Variants in ANKRD11 observed in about 807,000 individuals in gnomAD.
The protein encoded by ANKRD11 is ankyrin repeat domain 11, also known as ankyrin repeat domain-containing protein 11.
ANKRD11 carries 17 observed loss-of-function variants against 195.7 expected under a neutral mutation model. That is an observed-to-expected ratio of 0.09 (90% CI 0.06 to 0.13). The LOEUF (loss-of-function observed/expected upper bound fraction) is 0.13. ANKRD11 is among the 10% of genes least tolerant of loss of function. The pLI is 1.00. For synonymous variants in ANKRD11, 1,953 were observed against 1,528.1 expected (o/e 1.28, Z -6.49); for missense variants, 3,735 against 3,566.1 (o/e 1.05, Z -1.21).
intron 2 of ANKRD11, among the ~76,000 whole-genome samples, chr16:89,388,073 C>CA (rs1198406470): frequency 6.6e-6 from 1 of 151,608 alleles, no homozygotes; most frequent in Non-Finnish European, 1.5e-5. Context: ...TTCAGACTTA[C>CA]AAAAAAGTTG....
chr16:89,484,745 GGAAAGTCTTCT>G (rs746487842), intron 1 of ANKRD11, among the ~76,000 whole-genome samples: 8 of 152,038 alleles, frequency 5.3e-5, no homozygotes, highest in Non-Finnish European at 1.2e-4. Flanking sequence ...GTAATGAAGG[GGAAAGTCTTCT>G]GAATTTTACC....
chr16:89,444,065 A>C (rs570313552), intron 1 of ANKRD11, among the ~76,000 whole-genome samples: 1 of 152,360 alleles, frequency 6.6e-6, no homozygotes, highest in South Asian at 2.1e-4. Context: ...AAGGTTAATG[A>C]AAAGTTCAAA....
intron 1 of ANKRD11, among the ~76,000 whole-genome samples, chr16:89,461,074 T>C (rs531626762): frequency 7.5e-6 from 1 of 132,980 alleles, no homozygotes; most frequent in Admixed American, 8.3e-5. Flanking sequence ...CCTTGAGTGG[T>C]GACATTCATA....
intron 4 of ANKRD11, chr16:89,298,719 G>GAAGGGA (rs1168288164): frequency 1.3e-5 from 2 of 152,234 alleles, no homozygotes; most frequent in Non-Finnish European, 2.9e-5. Context: ...TGTCAGGGAA[G>GAAGGGA]CCTTTGCTGC....
intron 3 of ANKRD11, among the ~76,000 whole-genome samples, chr16:89,315,914 C>T (rs2036927660): frequency 6.6e-6 from 1 of 152,176 alleles, no homozygotes; most frequent in African/African-American, 2.4e-5. Context: ...CACAGCAGCA[C>T]AGGAAGCAGC....
In ANKRD11 at chr16:89,279,995, C is replaced by A; in HGVS notation, c.6547G>T (p.Val2183Leu). Reference protein sequence around the residue: ...VINGGDVSTVVAEEPPALPPD... With the variant: ...VINGGDVSTVLAEEPPALPPD... ...GGCAGTGCCGGCGGCTCCTCAGCCA[C>A]TACGGTGGAAACATCCCCACCGTTT... Residue 2183 changes from valine (V) to leucine (L), a missense_variant, in exon 9 of 13, where the codon GTG (valine) becomes TTG (leucine). By Grantham distance (32) the Val-to-Leu change is conservative (BLOSUM62 1). Transcript: ENST00000301030. The surrounding 1 kb of genome is among the most constrained non-coding windows in gnomAD (Gnocchi z 5.6). 6.2e-7 allele frequency: 1 copy of A among 1,612,102 alleles called. No homozygotes were observed. The highest frequency in any genetic ancestry group is 8.5e-7 in the Non-Finnish European group (1 of 1,179,928).
chr16:89,382,468 G>C (rs891292475), intron 2 of ANKRD11, among the ~76,000 whole-genome samples: 2 of 151,980 alleles, frequency 1.3e-5, no homozygotes, highest in African/African-American at 4.8e-5. Flanking sequence ...TGGGATCACA[G>C]GTGCGTGCCA....
rs759702780 is a variant in ANKRD11, at chr16:89,284,486, C to G, written c.2056G>C (p.Val686Leu). 9.9e-6 allele frequency: 16 copies of G among 1,613,966 alleles called. No individual in the cohort carries two copies. The African/African-American group carries it at 1.9e-4, about 19-fold the overall frequency. The change falls in exon 9 of 13, where the codon GTG (valine) becomes CTG (leucine). Residue 686 changes from valine (V) to leucine (L), a missense_variant. By Grantham distance (32) the Val-to-Leu change is conservative. Coordinates refer to ENST00000301030, the MANE Select transcript of ANKRD11 (RefSeq NM_013275.6). ...AAGTGGTCGCGATCGTGCTTTAACA[C>G]TTTTAGCTTGTTTTCAGTGGAAAGA... The part of the protein sequence containing the change: ...NDLSTENKLK[V>L]LKHDRDHFKK...
chr16:89,362,684 C>A (rs1308118311), intron 2 of ANKRD11, among the ~76,000 whole-genome samples: 2 of 152,194 alleles, frequency 1.3e-5, no homozygotes, highest in Non-Finnish European at 2.9e-5. Flanking sequence ...ATAAAGAAAT[C>A]AATGTACTTT....
At chr16:89,287,992 C>A (rs1174200600) in intron 7 of ANKRD11, 4 of 477,410 alleles carry the variant, frequency 8.4e-6, no homozygotes, top group African/African-American at 1.9e-5. Context: ...TGCTTTCCGG[C>A]AGGACGGGGC....
At chr16:89,339,423 A>G (rs973665579) in intron 2 of ANKRD11, among the ~76,000 whole-genome samples, 5 of 152,210 alleles carry the variant, frequency 3.3e-5, no homozygotes, top group African/African-American at 1.2e-4. Flanking sequence ...GTAGCATCAC[A>G]CAGGTCAGAT....
chr16:89,276,259 C>T (rs1038389220), intron 9 of ANKRD11, among the ~76,000 whole-genome samples: 4 of 152,240 alleles, frequency 2.6e-5, no homozygotes, highest in African/African-American at 9.7e-5. Flanking sequence ...GACAGCACAG[C>T]TCCAGTTAGC....
In ANKRD11 at chr16:89,286,100, G is replaced by T. The variant is rs2034626134; in HGVS notation, c.831C>A (p.Pro277=). 6.2e-7 allele frequency: 1 copy of T among 1,614,126 alleles called. No individual in the cohort carries two copies. The highest frequency in any genetic ancestry group is 2.2e-5 in the East Asian group (1 of 44,894). ...TGCCTAACAGGAGGTTCACCATCGT[G>T]GGGGAGTTGGCCACTTTCAGCGGCG... ...GETPLKVANS[P]TMVNLLLGKG... The change falls in exon 8 of 13, where the codon CCC becomes CCA. Residue 277 remains proline (P), a synonymous_variant. Transcript: ENST00000301030.
At chr16:89,411,861 G>A (rs1463017328) in intron 2 of ANKRD11, among the ~76,000 whole-genome samples, 2 of 152,154 alleles carry the variant, frequency 1.3e-5, no homozygotes, top group African/African-American at 4.8e-5. Context: ...GGCCAGTAAC[G>A]AAGATGCCTC....
intron 1 of ANKRD11, among the ~76,000 whole-genome samples, chr16:89,473,512 G>C (rs1567854464): frequency 6.6e-6 from 1 of 152,172 alleles, no homozygotes; most frequent in Non-Finnish European, 1.5e-5. Context: ...ATAGTACCAG[G>C]GCAAGCCCAA....
intron 11 of ANKRD11, among the ~76,000 whole-genome samples, chr16:89,274,313 G>A (rs546528294): frequency 3.3e-5 from 5 of 152,314 alleles, no homozygotes; most frequent in Admixed American, 6.5e-5. Flanking sequence ...AGTCCGGCCC[G>A]CCCTGGCCCA....
chr16:89,343,356 T>C (rs1199095292), intron 2 of ANKRD11, among the ~76,000 whole-genome samples: 1 of 152,252 alleles, frequency 6.6e-6, no homozygotes, highest in Non-Finnish European at 1.5e-5. Context: ...CATTTAGTTA[T>C]AAGCTCCAAC....
chr16:89,412,777 G>A (rs1476362878), intron 2 of ANKRD11, among the ~76,000 whole-genome samples: 1 of 152,056 alleles, frequency 6.6e-6, no homozygotes, highest in Non-Finnish European at 1.5e-5. Context: ...GGCCCCATGA[G>A]AATCACTGTA....
chr16:89,292,785 C>T (rs895346010), intron 4 of ANKRD11, among the ~76,000 whole-genome samples: 3 of 152,270 alleles, frequency 2.0e-5, no homozygotes, highest in African/African-American at 7.2e-5. Context: ...GAGCCCCAGC[C>T]TACAGCCATC....
Sources: gnomAD v4.1 joint callset for allele counts (sites outside exome capture counted in the v4.1 genomes callset) on GRCh38, gnomAD v4.1.1 for gene constraint, Gnocchi (gnomAD v3.1) non-coding constraint, MANE v1.5 for transcripts, NCBI Gene and HGNC (gene_info 2026-07-23, HGNC 2026-07-21) for gene names.